Variants in CABP1 observed in about 807,000 individuals in gnomAD.
The protein encoded by CABP1 is calcium binding protein 1.
In CABP1, 17 loss-of-function variants were observed where a neutral mutation model predicts 34.3. That is an observed-to-expected ratio of 0.50 (90% CI 0.34 to 0.74). CABP1 has a LOEUF of 0.74. Among genes scored for constraint, CABP1 ranks in the 30% least tolerant of loss-of-function variants. The pLI, the probability that CABP1 is intolerant of heterozygous loss-of-function variation, is 0.01. For missense variants in CABP1, 373 were observed against 511.1 expected, an observed-to-expected ratio of 0.73 and a Z score of 2.61; for synonymous variants, 198 against 229.2, an observed-to-expected ratio of 0.86 and a Z score of 1.23.
chr12:120,651,401 A>T (rs1565996183), intron 1 of CABP1, among the ~76,000 whole-genome samples: 1 of 152,202 alleles, frequency 6.6e-6, no homozygotes, highest in East Asian at 1.9e-4. Context: ...AAAGAACATG[A>T]TCATCTCTAA....
intron 1 of CABP1, among the ~76,000 whole-genome samples, chr12:120,653,283 C>T (rs896562026): frequency 2.0e-5 from 3 of 152,184 alleles, no homozygotes; most frequent in Non-Finnish European, 4.4e-5. Flanking sequence ...TTCACCTCCT[C>T]TTGCCATGCC....
At chr12:120,655,580 A>G (rs1462969492) in intron 1 of CABP1, 26 of 1,283,088 alleles carry the variant, frequency 2.0e-5, no homozygotes, top group Non-Finnish European at 2.6e-5. Context: ...GCCAGCTCCG[A>G]TTGCCCTCAC....
At chr12:120,667,962 T>A (rs1198519977), downstream of CABP1, among the ~76,000 whole-genome samples, 2 of 152,204 alleles carry the variant, frequency 1.3e-5, no homozygotes, top group Non-Finnish European at 1.5e-5. Flanking sequence ...GCAGAGTCTG[T>A]ATCACTTCTG....
chr12:120,653,576 C>A (rs1168027785), intron 1 of CABP1, among the ~76,000 whole-genome samples: 1 of 152,156 alleles, frequency 6.6e-6, no homozygotes, highest in Non-Finnish European at 1.5e-5. Flanking sequence ...CGCTCTGTTA[C>A]CCAAGCTGGA....
In CABP1 at chr12:120,640,871, C is replaced by T; in HGVS notation, c.186C>T (p.Ile62=). The T allele has an allele frequency of 9.2e-7, 1 of 1,082,388 alleles. No individual in the cohort carries two copies. The highest frequency in any genetic ancestry group is 1.1e-6 in the Non-Finnish European group (1 of 893,776). 67.0% of individuals were successfully genotyped at this position (1,082,388 alleles called of 1,614,324 possible). A position where few individuals can be genotyped will look rare whatever the true frequency, so the allele number is the denominator to read the frequency against. Residue 62 remains isoleucine (I), a synonymous_variant, in exon 1 of 6, where the codon ATC becomes ATT. Transcript: ENST00000316803. The surrounding 1 kb of genome is among the most constrained non-coding windows in gnomAD (Gnocchi z 6.2). Reference sequence around the variant, plus strand: ...GCCCCGCCGCGATGAGCTCGCACATCGCCAAAAGCGAGTCCAAGACGTCGC... The same window carrying T: ...GCCCCGCCGCGATGAGCTCGCACATTGCCAAAAGCGAGTCCAAGACGTCGC... ...SAGPAAMSSH[I]AKSESKTSLL...
At position 120,641,619 on chromosome 12, in the gene CABP1, G is replaced by A; in HGVS notation, c.654+280G>A. ...GAACCCGCCAGTCCTGGAAGAGAGCGACCTCTACGACCGTCCTGGAGATTT... is the reference window on the plus strand; with the variant it reads ...GAACCCGCCAGTCCTGGAAGAGAGCAACCTCTACGACCGTCCTGGAGATTT... On this transcript the variant is annotated intron_variant, in intron 1 of 5. Coordinates refer to ENST00000316803, the MANE Select transcript of CABP1 (RefSeq NM_001033677.2). This position sits in a 1 kb window ranked among gnomAD's most constrained non-coding sequence, Gnocchi z 6.7. The A allele has an allele frequency of 3.1e-6, 1 of 326,940 alleles. No individual in the cohort carries two copies. The highest frequency in any genetic ancestry group is 4.6e-5 in the East Asian group (1 of 21,604). 20.3% of individuals were successfully genotyped at this position (326,940 alleles called of 1,614,324 possible). A position where few individuals can be genotyped will look rare whatever the true frequency, so the allele number is the denominator to read the frequency against.
chr12:120,647,766 G>C (rs1280562505), intron 1 of CABP1, among the ~76,000 whole-genome samples: 1 of 143,692 alleles, frequency 7.0e-6, no homozygotes, highest in African/African-American at 2.6e-5. Context: ...TTTTTTAGTA[G>C]AGACAGCGTT....
intron 1 of CABP1, among the ~76,000 whole-genome samples, chr12:120,654,642 CCGAAGGCAGAG>C (rs1361996300): frequency 2.8e-3 from 2 of 704 alleles, no homozygotes; most frequent in East Asian, 0.12. Flanking sequence ...AAGCTCCAGG[CCGAAGGCAGAG>C]TGCAGGCCGA....
chr12:120,671,266 A>G (rs1244439207), downstream of CABP1, among the ~76,000 whole-genome samples: 1 of 152,112 alleles, frequency 6.6e-6, no homozygotes, highest in Non-Finnish European at 1.5e-5. Context: ...TTAGCCAGGC[A>G]TGGTGGTGCG....
At chr12:120,658,134 T>A (rs916944395) in intron 1 of CABP1, among the ~76,000 whole-genome samples, 1 of 137,072 alleles carries the variant, frequency 7.3e-6, no homozygotes, top group African/African-American at 2.7e-5. Context: ...CACTCTCTTG[T>A]CCAGGTGGAA....
chr12:120,653,219 C>T (rs1055032375), intron 1 of CABP1, among the ~76,000 whole-genome samples: 14 of 152,216 alleles, frequency 9.2e-5, no homozygotes, highest in Non-Finnish European at 1.3e-4. Context: ...AATTACATCA[C>T]TGCCACCACC....
At chr12:120,677,916 G>A in the CABP1 span, among the ~76,000 whole-genome samples, 3 of 152,178 alleles carry the variant, frequency 2.0e-5, no homozygotes, top group Admixed American at 6.5e-5. Flanking sequence ...TCCTCTTGGG[G>A]GACATGAAGA....
At chr12:120,652,335 C>T (rs982960562) in intron 1 of CABP1, among the ~76,000 whole-genome samples, 4 of 150,686 alleles carry the variant, frequency 2.7e-5, no homozygotes, top group East Asian at 1.9e-4. Flanking sequence ...CAGTCAATTT[C>T]GTGTTTCTAT....
downstream of CABP1, among the ~76,000 whole-genome samples, chr12:120,668,742 G>A (rs565448596): frequency 6.6e-6 from 1 of 152,362 alleles, no homozygotes; most frequent in South Asian, 2.1e-4. Flanking sequence ...TTCTATAAGT[G>A]AAGTCTTAAA....
At position 120,667,019 on chromosome 12, in the gene CABP1, C is replaced by A. The variant is rs1348941072; in HGVS notation, c.*119C>A. ...AGGATGTACTGGCGGATGGGGCCTG[C>A]CTGCACCCCGGGGAGGCGCCCACCC... is the stretch of plus-strand genomic sequence containing the variant. On this transcript the variant is annotated 3_prime_UTR_variant, in exon 6 of 6. Transcript: ENST00000316803. The A allele has an allele frequency of 4.6e-6, 6 of 1,295,576 alleles. No individual in the cohort carries two copies. Among genetic ancestry groups the A allele is most frequent in the Non-Finnish European group, 6.5e-6 (6 of 929,764 alleles). The allele number at this position is 1,295,576 out of a possible 1,614,324, so 80.3% of individuals were successfully genotyped here.
At chr12:120,665,880 C>T (rs773380952) in intron 5 of CABP1, among the ~76,000 whole-genome samples, 5 of 151,550 alleles carry the variant, frequency 3.3e-5, no homozygotes, top group African/African-American at 9.7e-5. Flanking sequence ...ATTAGCTGGA[C>T]GTCGTGGCGG....
chr12:120,641,194 G>A lies in CABP1; in HGVS notation c.509G>A (p.Gly170Glu). 8.1e-7 allele frequency: 1 copy of A among 1,242,134 alleles called. No homozygotes were observed. Among genetic ancestry groups the A allele is most frequent in the Non-Finnish European group, 1.0e-6 (1 of 994,622 alleles). 76.9% of individuals were successfully genotyped at this position (1,242,134 alleles called of 1,614,324 possible). A position where few individuals can be genotyped will look rare whatever the true frequency, so the allele number is the denominator to read the frequency against. The change falls in exon 1 of 6, where the codon GGG (glycine) becomes GAG (glutamate). Residue 170 changes from glycine (G) to glutamate (E), a missense_variant. Coordinates refer to ENST00000316803, the MANE Select transcript of CABP1 (RefSeq NM_001033677.2). The surrounding 1 kb of genome is among the most constrained non-coding windows in gnomAD (Gnocchi z 6.7). ...CTGCCGCCGGCCCGCGGGCGGGATG[G>A]GGAGGAACGGGGACTGTCCCCGGCG... ...SPLPPARGRDGEERGLSPALG... is the reference protein window; with the variant it reads ...SPLPPARGRDEEERGLSPALG...
chr12:120,655,921 ACT>A (rs997830740), intron 1 of CABP1: 4 of 1,536,602 alleles, frequency 2.6e-6, no homozygotes, highest in African/African-American at 2.7e-5. Context: ...AGGATTGGAG[ACT>A]CTGTCTGTTG....
chr12:120,654,112 C>T (rs1363582235), intron 1 of CABP1, among the ~76,000 whole-genome samples: 2 of 152,230 alleles, frequency 1.3e-5, no homozygotes, highest in Non-Finnish European at 2.9e-5. Context: ...GGCTCTGAAT[C>T]ACAACTCTTT....
Sources: gnomAD v4.1 joint callset for allele counts (sites outside exome capture counted in the v4.1 genomes callset) on GRCh38, gnomAD v4.1.1 for gene constraint, Gnocchi (gnomAD v3.1) non-coding constraint, MANE v1.5 for transcripts, NCBI Gene and HGNC (gene_info 2026-07-23, HGNC 2026-07-21) for gene names.